Variants in INO80D observed in about 807,000 individuals in gnomAD.
The protein encoded by INO80D is INO80 complex subunit D.
Under a neutral mutation model 87.6 loss-of-function variants are expected in INO80D, and 21 were observed. That is an observed-to-expected ratio of 0.24 (90% confidence interval 0.17 to 0.35). The LOEUF (loss-of-function observed/expected upper bound fraction) is 0.35, where lower values mean the gene tolerates loss of function less well. Among genes scored for constraint, INO80D ranks in the 10% least tolerant of loss-of-function variants. INO80D has a pLI of 1.00. For missense variants in INO80D, 982 were observed against 1,280.7 expected, an observed-to-expected ratio of 0.77 and a Z score of 3.56; for synonymous variants, 440 against 491.0, an observed-to-expected ratio of 0.90 and a Z score of 1.37.
Position 206,004,986 on chromosome 2 carries a change from G to C in INO80D, c.2466C>G (p.His822Gln). Residue 822 changes from histidine to glutamine, a missense_variant, in exon 11 of 11, where the codon CAC (histidine) becomes CAG (glutamine). Physicochemically the swap from His to Gln is conservative, Grantham distance 24. Transcript: ENST00000403263. This position sits in a 1 kb window ranked among gnomAD's most constrained non-coding sequence, Gnocchi z 4.9. ...SRQQYSSDHSHSSPHGSHYDS... is the reference protein window; with the variant it reads ...SRQQYSSDHSQSSPHGSHYDS... ...CATAATGGCTTCCATGGGGTGAGGA[G>C]TGTGAGTGATCACTGCTGTATTGCT... 1 of 1,614,050 alleles carries C rather than the reference G, an allele frequency of 6.2e-7. No homozygotes were observed. The highest frequency in any genetic ancestry group is 8.5e-7 in the Non-Finnish European group (1 of 1,179,894).
At chr2:206,027,939 G>C (rs1575819053) in intron 6 of INO80D, among the ~76,000 whole-genome samples, 172 bp downstream of exon 6, 1 of 152,120 alleles carries the variant, frequency 6.6e-6, no homozygotes, top group African/African-American at 2.4e-5. Flanking sequence ...TTAGCTCATG[G>C]CAGTATTATT....
At chr2:206,051,234 C>CT (rs1041946827) in intron 4 of INO80D, among the ~76,000 whole-genome samples, 77 of 147,644 alleles carry the variant, frequency 5.2e-4, no homozygotes, top group African/African-American at 1.3e-3. Flanking sequence ...CTTTTCTTTT[C>CT]TTTTTTTTTT....
At chr2:206,038,023 A>C (rs1450811763) in intron 5 of INO80D, among the ~76,000 whole-genome samples, 2 of 152,184 alleles carry the variant, frequency 1.3e-5, no homozygotes, top group Non-Finnish European at 2.9e-5. Context: ...AGTGGGTACT[A>C]AAAAACATGT....
At chr2:206,020,426 A>G (rs1028745189) in intron 6 of INO80D, among the ~76,000 whole-genome samples, 4 of 152,170 alleles carry the variant, frequency 2.6e-5, no homozygotes, top group Admixed American at 2.0e-4. Context: ...ACCATTAGGA[A>G]TTGATTGCCT....
chr2:206,023,875 T>G (rs1688533088), intron 6 of INO80D, among the ~76,000 whole-genome samples: 1 of 152,172 alleles, frequency 6.6e-6, no homozygotes, highest in Non-Finnish European at 1.5e-5. Context: ...TTATCATTAA[T>G]GTTTTTTAAA....
At chr2:206,046,259 G>A (rs548011151) in intron 5 of INO80D, among the ~76,000 whole-genome samples, 43 of 152,196 alleles carry the variant, frequency 2.8e-4, no homozygotes, top group African/African-American at 7.9e-4. Context: ...AACTAGGGCC[G>A]GGCGTGGTAG....
intron 4 of INO80D, among the ~76,000 whole-genome samples, chr2:206,055,734 C>T (rs1689499298): frequency 6.6e-6 from 1 of 152,186 alleles, no homozygotes; most frequent in African/African-American, 2.4e-5. Flanking sequence ...GTGGATTCAG[C>T]CAATTGCTGA....
chr2:206,021,508 A>G, intron 6 of INO80D, among the ~76,000 whole-genome samples: 2 of 152,334 alleles, frequency 1.3e-5, no homozygotes, highest in South Asian at 4.1e-4. Context: ...TAGCCCTATA[A>G]AAGGAATATA....
Position 206,076,646 on chromosome 2 carries a change from C to T in INO80D, c.-124+9255G>A, listed in dbSNP as rs557433587. Among the ~76,000 whole-genome samples, 10 of 152,198 alleles carry T rather than the reference C, an allele frequency of 6.6e-5. No homozygotes were observed. In the East Asian group the frequency reaches 1.7e-3, roughly 26 times the overall value. The stretch of plus-strand genomic sequence containing the variant: ...ATGCTTATTGAATGTCTAGTATGTG[C>T]CATATACTGTACTCAGACAGCACTG... On this transcript the variant is annotated intron_variant, in intron 1 of 10. Transcript: ENST00000403263.
chr2:206,013,536 A>G (rs568636433), intron 8 of INO80D, among the ~76,000 whole-genome samples: 126 of 149,466 alleles, frequency 8.4e-4, no homozygotes, highest in Admixed American at 2.2e-3. Flanking sequence ...TGGGTGATAA[A>G]GCAAGACTCC....
At position 206,000,416 on chromosome 2, in the gene INO80D, ACGG is replaced by A. The variant is rs1308039950; in HGVS notation, c.*3949_*3951del. The stretch of plus-strand genomic sequence containing the variant: ...CCTAGGATGCCAAGGCACGGCAAAG[ACGG>A]CGGGCAAGCATCAGCGGACTGACCA... On this transcript the variant is annotated 3_prime_UTR_variant, in exon 11 of 11. Coordinates refer to ENST00000403263, the MANE Select transcript of INO80D (RefSeq NM_017759.5). 6.6e-6 allele frequency: 1 copy of A among 150,848 alleles called. No individual in the cohort carries two copies. Among genetic ancestry groups the A allele is most frequent in the Non-Finnish European group, 1.5e-5 (1 of 67,836 alleles). 9.3% of individuals were successfully genotyped at this position (150,848 alleles called of 1,614,324 possible). A position where few individuals can be genotyped will look rare whatever the true frequency, so the allele number is the denominator to read the frequency against.
Position 206,062,924 on chromosome 2 carries a change from G to A in INO80D, c.93C>T (p.Asn31=), listed in dbSNP as rs756897954. 1.7e-5 allele frequency: 28 copies of A among 1,613,078 alleles called. No individual in the cohort carries two copies. The highest frequency in any genetic ancestry group is 1.6e-4 in the Middle Eastern group (1 of 6,080). ...SPKLCKQRRL[N]GYAFCIRHVL... ...CGTGTCTGATACAGAAGGCGTAGCC[G>A]TTGAGTCGCCTCTGCTTGCACAGTT... Residue 31 remains asparagine, a synonymous_variant, in exon 3 of 11, where the codon AAC becomes AAT. Coordinates refer to ENST00000403263, the MANE Select transcript of INO80D (RefSeq NM_017759.5). This position sits in a 1 kb window ranked among gnomAD's most constrained non-coding sequence, Gnocchi z 4.6.
At chr2:206,043,392 G>A (rs1380699264) in intron 5 of INO80D, among the ~76,000 whole-genome samples, 3 of 151,870 alleles carry the variant, frequency 2.0e-5, no homozygotes, top group African/African-American at 7.3e-5. Context: ...GGCTGGTCTC[G>A]AACTCCTGAC....
At chr2:206,080,902 C>CA (rs60198558) in intron 1 of INO80D, among the ~76,000 whole-genome samples, 925 of 37,982 alleles carry the variant, frequency 0.024, 59 homozygotes, top group African/African-American at 0.037. Context: ...GACTCAGTCT[C>CA]AAAAAAAAAA....
At chr2:206,075,039 CA>C (rs56081344) in intron 1 of INO80D, among the ~76,000 whole-genome samples, 109 of 117,676 alleles carry the variant, frequency 9.3e-4, no homozygotes, top group South Asian at 5.3e-3. Context: ...AACTCCATCT[CA>C]AAAAAAAAAA....
intron 5 of INO80D, among the ~76,000 whole-genome samples, chr2:206,044,128 G>C (rs1485430484): frequency 1.3e-5 from 2 of 152,112 alleles, no homozygotes; most frequent in African/African-American, 4.8e-5. Context: ...GGGAGTTCAA[G>C]ACTGCAGTGA....
intron 8 of INO80D, among the ~76,000 whole-genome samples, chr2:206,015,670 A>G (rs912907340): frequency 2.0e-5 from 3 of 152,188 alleles, no homozygotes; most frequent in African/African-American, 7.2e-5. Context: ...AGATCACCTG[A>G]GGTCAGGAGT....
intron 4 of INO80D, among the ~76,000 whole-genome samples, chr2:206,052,663 G>A (rs1265941832): frequency 6.6e-6 from 1 of 152,018 alleles, no homozygotes; most frequent in Non-Finnish European, 1.5e-5. Flanking sequence ...GTGGTAGTGT[G>A]TGCCTATGGT....
At chr2:206,027,817 A>G (rs1410792147) in intron 6 of INO80D, among the ~76,000 whole-genome samples, 1 of 152,238 alleles carries the variant, frequency 6.6e-6, no homozygotes, top group Middle Eastern at 3.2e-3. Flanking sequence ...TTTAAATAAC[A>G]TGAAATTTCT....
Sources: gnomAD v4.1 joint callset for allele counts (sites outside exome capture counted in the v4.1 genomes callset) on GRCh38, gnomAD v4.1.1 for gene constraint, Gnocchi (gnomAD v3.1) non-coding constraint, MANE v1.5 for transcripts, NCBI Gene and HGNC (gene_info 2026-07-23, HGNC 2026-07-21) for gene names.